The following WFS1 variants were observed in gnomAD, a reference collection of about 807,000 sequenced individuals.
WFS1 encodes wolframin.
A neutral mutation model predicts 68.5 loss-of-function variants in WFS1; 90 were observed. The observed-to-expected ratio is 1.31, with a 90% confidence interval of 1.11 to 1.56. The LOEUF is 1.56. Among genes scored for constraint, WFS1 ranks in the 40% most tolerant of loss-of-function variants. The pLI is 0.00. For synonymous variants in WFS1, 860 were observed against 540.7 expected, an observed-to-expected ratio of 1.59 and a Z score of -8.19; for missense variants, 1,767 against 1,232.6, an observed-to-expected ratio of 1.43 and a Z score of -6.49.
intron 6 of WFS1, among the ~76,000 whole-genome samples, chr4:6,294,449 C>T (rs1730566622): frequency 6.8e-6 from 1 of 147,196 alleles, no homozygotes. Flanking sequence ...TGTAGTAGGC[C>T]CATGGCAGAC....
chr4:6,282,912 A>C (rs938189317), intron 2 of WFS1, among the ~76,000 whole-genome samples: 1 of 152,230 alleles, frequency 6.6e-6, no homozygotes, highest in African/African-American at 2.4e-5. Flanking sequence ...CCCTATTTGC[A>C]GTGGCTTCCT....
rs112871383 is a variant in WFS1 at position 6,288,996 on chromosome 4, C to T, written c.325C>T (p.His109Tyr). The change falls in exon 4 of 8, where the codon CAC becomes TAC. Residue 109 changes from histidine (H) to tyrosine (Y), a missense_variant. Coordinates refer to ENST00000226760, the MANE Select transcript of WFS1 (RefSeq NM_006005.3). ...GGTGTCTGGCTTGCAGGTGGGGAAG[C>T]ACTACCTGCAGTTGGCCGGCGACAC... ...DPKAQTEVGK[H>Y]YLQLAGDTDE... 118 of 1,608,704 alleles carry T rather than the reference C, an allele frequency of 7.3e-5. No homozygotes were observed. The African/African-American group carries it at 1.2e-3, about 17-fold the overall frequency.
Position 6,283,469 on chromosome 4 carries a change from T to C in WFS1, c.233-3624T>C, listed in dbSNP as rs543853540. Among the ~76,000 whole-genome samples, 13 of 152,310 alleles carry C rather than the reference T, an allele frequency of 8.5e-5. No homozygotes were observed. The South Asian group carries it at 2.1e-3, about 24-fold the overall frequency. ...GTAGTTTGCTTCAGGCACGGCTGGA[T>C]CCAGGGGCTCAGATGATGTCATCAG... On this transcript the variant is annotated intron_variant, in intron 2 of 7. Transcript: ENST00000226760. This position sits in a 1 kb window ranked among gnomAD's most constrained non-coding sequence, Gnocchi z 5.0.
intron 7 of WFS1, among the ~76,000 whole-genome samples, chr4:6,299,880 ATG>A (rs201599652): frequency 1.2e-4 from 7 of 56,662 alleles, no homozygotes; most frequent in Admixed American, 2.6e-4. Context: ...GGTGGGCTGC[ATG>A]TGTGTGTGTA....
rs529777773 is a variant in WFS1 at position 6,271,316 on chromosome 4, G to A, written c.-6+1302G>A. ...TCGCAGACACAGGAAAAGTTGGCTG[G>A]GAGACCCCATCTCACCTTCTTTCCC... On this transcript the variant is annotated intron_variant, in intron 1 of 7. Transcript: ENST00000226760. Among the ~76,000 whole-genome samples the A allele has an allele frequency of 9.9e-5, 15 of 152,192 alleles. No homozygotes were observed. In the South Asian group the frequency reaches 2.5e-3, roughly 25 times the overall value.
intron 2 of WFS1, among the ~76,000 whole-genome samples, chr4:6,278,103 T>A (rs1730053038): frequency 6.6e-6 from 1 of 152,158 alleles, no homozygotes; most frequent in African/African-American, 2.4e-5. Flanking sequence ...GAGTTTCCCC[T>A]CTCCCTGAGG....
rs143500912 is a variant in WFS1 at position 6,301,523 on chromosome 4, C to T, written c.1728C>T (p.Gly576=). Reference sequence around the variant, plus strand: ...TTGCCCTCCCCATCCTGGTGGCCGGCCTGGCCCTGGTGGGCGTGCTGCAGT... The same window carrying T: ...TTGCCCTCCCCATCCTGGTGGCCGGTCTGGCCCTGGTGGGCGTGCTGCAGT... The part of the protein sequence containing the change: ...FLFALPILVA[G]LALVGVLQFA... The change falls in exon 8 of 8, where the codon GGC becomes GGT. Residue 576 remains glycine, a synonymous_variant. Transcript: ENST00000226760. 6.2e-7 allele frequency: 1 copy of T among 1,613,906 alleles called. No homozygotes were observed. Among genetic ancestry groups the T allele is most frequent in the Non-Finnish European group, 8.5e-7 (1 of 1,180,036 alleles).
chr4:6,288,625 CCTGA>C (rs1430336320), intron 3 of WFS1: 4 of 363,546 alleles, frequency 1.1e-5, no homozygotes, highest in African/African-American at 8.4e-5. Flanking sequence ...TCTATGGTCC[CCTGA>C]CTGTTTTGAG....
intron 2 of WFS1, among the ~76,000 whole-genome samples, chr4:6,280,166 A>G (rs1023176978): frequency 6.6e-6 from 1 of 152,236 alleles, no homozygotes; most frequent in Admixed American, 6.5e-5. Context: ...TCCTCATGGC[A>G]GCCCTGAGAG....
rs1425990899 is a variant in WFS1, at chr4:6,302,661, CTG to C, written c.*194_*195del. On this transcript the variant is annotated 3_prime_UTR_variant, in exon 8 of 8. Transcript: ENST00000226760. ...AGGCTGCTGTGTAGCTCTGTCCACT[CTG>C]AATACCAAGTGTGTTGGGAATTGCA... 1.3e-6 allele frequency: 1 copy of C among 758,512 alleles called. No homozygotes were observed. The highest frequency in any genetic ancestry group is 1.7e-5 in the African/African-American group (1 of 57,248). 47.0% of individuals were successfully genotyped at this position (758,512 alleles called of 1,614,324 possible).
chr4:6,300,610 T>C lies in WFS1; in HGVS notation c.862-47T>C, dbSNP rs368034309. 2.5e-6 allele frequency: 4 copies of C among 1,612,522 alleles called. No individual in the cohort carries two copies. The African/African-American group carries it at 4.0e-5, about 16-fold the overall frequency. The stretch of plus-strand genomic sequence containing the variant: ...AGAGGGAGGCGTGAGATGGGAGCAG[T>C]GGGGGTCCTGTCCCAGCCTCGTTCC... On this transcript the variant is annotated intron_variant, in intron 7 of 7. Coordinates refer to ENST00000226760, the MANE Select transcript of WFS1 (RefSeq NM_006005.3).
chr4:6,290,196 C>G (rs976040826), intron 4 of WFS1, among the ~76,000 whole-genome samples: 2 of 152,218 alleles, frequency 1.3e-5, no homozygotes, highest in Admixed American at 1.3e-4. Context: ...TCCTTGGCCT[C>G]CCAAAGTGAT....
intron 7 of WFS1, among the ~76,000 whole-genome samples, chr4:6,299,549 T>TGC (rs35301743): frequency 6.5e-4 from 18 of 27,750 alleles, no homozygotes; most frequent in Admixed American, 1.4e-3. Flanking sequence ...GTTGTGTGAA[T>TGC]GTGTGTGTAG....
rs891571805 is a variant in WFS1 at position 6,269,870 on chromosome 4, C to G, written c.-150C>G. ...CCCTCGTGCAGAAGGCCGCGCTAGC[C>G]GGCTCTTCAGCAGCGAGTGCAGATT... On this transcript the variant is annotated 5_prime_UTR_variant, in exon 1 of 8. Transcript: ENST00000226760. The G allele has an allele frequency of 3.3e-5, 5 of 152,232 alleles. No individual in the cohort carries two copies. Among genetic ancestry groups the G allele is most frequent in the Admixed American group, 1.3e-4 (2 of 15,286 alleles). The allele number at this position is 152,232 out of a possible 1,614,324, so 9.4% of individuals were successfully genotyped here. A position where few individuals can be genotyped will look rare whatever the true frequency, so the allele number is the denominator to read the frequency against.
chr4:6,275,607 GGGGGT>G lies in WFS1; in HGVS notation c.-5-1842_-5-1838del, dbSNP rs1234927280. On this transcript the variant is annotated intron_variant, in intron 1 of 7. Transcript: ENST00000226760. ...GATGCACGGGGGTGGGGTGGGGGGG[GGGGGT>G]GTGCTTGACCATGCATGGTTTGCAC... 1.1e-4 allele frequency among the ~76,000 whole-genome samples: 16 copies of G among 140,904 alleles called. 1 individual carries two copies. Among genetic ancestry groups the G allele is most frequent in the Non-Finnish European group, 2.3e-4 (15 of 65,806 alleles). The allele number at this position is 140,904 out of a possible 152,430, so 92.4% of individuals were successfully genotyped here.
At chr4:6,288,880 C>T in intron 3 of WFS1, 107 bp from the exon 4 acceptor site, 1 of 1,520,662 alleles carries the variant, frequency 6.6e-7, no homozygotes, top group Non-Finnish European at 8.9e-7. Flanking sequence ...CCCTTCCTTC[C>T]TGGCCTGGGT....
chr4:6,289,699 G>A (rs543214026), intron 4 of WFS1, among the ~76,000 whole-genome samples: 1 of 152,358 alleles, frequency 6.6e-6, no homozygotes, highest in Admixed American at 6.5e-5. Context: ...CTGCGCAAGG[G>A]AAGTGGCTGT....
At chr4:6,286,491 G>C (rs922343984) in intron 2 of WFS1, among the ~76,000 whole-genome samples, 9 of 152,158 alleles carry the variant, frequency 5.9e-5, no homozygotes, top group African/African-American at 2.4e-5. Flanking sequence ...TCTGATGTTT[G>C]TAAGCCACCA....
intron 7 of WFS1, among the ~76,000 whole-genome samples, chr4:6,299,306 G>T (rs1024053576): frequency 1.1e-4 from 17 of 152,228 alleles, no homozygotes; most frequent in African/African-American, 3.1e-4. Context: ...TGTGGTGAAG[G>T]CCAAGAGCTC....
Sources: allele counts gnomAD v4.1 joint callset (sites outside exome capture counted in the v4.1 genomes callset), GRCh38; gene constraint gnomAD v4.1.1; non-coding constraint Gnocchi (gnomAD v3.1); transcripts MANE v1.5; gene names NCBI Gene and HGNC (gene_info 2026-07-23, HGNC 2026-07-21).